UHRF2: variants seen among roughly 807,000 people sequenced by gnomAD.
UHRF2 encodes E3 ubiquitin-protein ligase UHRF2.
Under a neutral mutation model 96.8 loss-of-function variants are expected in UHRF2, and 23 were observed. The observed-to-expected ratio is 0.24, with a 90% confidence interval of 0.17 to 0.34. The LOEUF (loss-of-function observed/expected upper bound fraction) is 0.34. Among genes scored for constraint, UHRF2 ranks in the 10% least tolerant of loss-of-function variants. The pLI, the probability that UHRF2 is intolerant of heterozygous loss-of-function variation, is 1.00. For synonymous variants in UHRF2, 385 were observed against 332.6 expected, an observed-to-expected ratio of 1.16 and a Z score of -1.72; for missense variants, 685 against 981.5, an observed-to-expected ratio of 0.70 and a Z score of 4.04.
chr9:6,425,138 T>C (rs1423806493), intron 2 of UHRF2, among the ~76,000 whole-genome samples: 4 of 152,174 alleles, frequency 2.6e-5, no homozygotes, highest in Non-Finnish European at 2.9e-5. Context: ...ACTTAAGGAG[T>C]GGGAAGTTAA....
At chr9:6,483,918 A>G (rs1167444215) in intron 8 of UHRF2, among the ~76,000 whole-genome samples, 3 of 152,008 alleles carry the variant, frequency 2.0e-5, no homozygotes, top group Non-Finnish European at 4.4e-5. Context: ...CGAACTCCCA[A>G]CCTCGGGTGA....
At chr9:6,477,919 ATGT>A in intron 6 of UHRF2, 111 bp downstream of exon 6, 2 of 956,008 alleles carry the variant, frequency 2.1e-6, no homozygotes, top group Non-Finnish European at 3.1e-6. Context: ...AGTGCTTAAA[ATGT>A]TATGGCCAGT....
chr9:6,460,943 A>C, intron 4 of UHRF2, 152 bp downstream of exon 4: 2 of 635,008 alleles, frequency 3.1e-6, no homozygotes, highest in South Asian at 2.9e-5. Flanking sequence ...ATAAATTCTT[A>C]AGAATTTTTA....
intron 10 of UHRF2, chr9:6,495,644 G>A (rs1824920937): frequency 6.6e-6 from 1 of 152,102 alleles, no homozygotes; most frequent in Non-Finnish European, 1.5e-5. Flanking sequence ...CTTTTATCAG[G>A]GCAGTCAGAG....
intron 9 of UHRF2, among the ~76,000 whole-genome samples, chr9:6,487,182 C>CTTTTTTTTTTTTTTTTT (rs1171978950): frequency 1.4e-4 from 10 of 69,586 alleles, no homozygotes; most frequent in East Asian, 4.9e-4. Context: ...TTTTTTTTTC[C>CTTTTTTTTTTTTTTTTT]TTTTTTTTTT....
rs745962029 is a variant in UHRF2, at chr9:6,486,826, C to T, written c.1398C>T (p.Ser466=). The T allele has an allele frequency of 2.5e-6, 4 of 1,613,780 alleles. No individual in the cohort carries two copies. The highest frequency in any genetic ancestry group is 1.3e-5 in the African/African-American group (1 of 74,896). The change falls in exon 9 of 16, where the codon AGC becomes AGT. Residue 466 remains serine (S), a synonymous_variant. Coordinates refer to ENST00000276893, the MANE Select transcript of UHRF2 (RefSeq NM_152896.3). ...TCTCTTTAATTGTTTTATAGGTGAG[C>T]GAAGCAGGTGTTCACAGACCCCATG... ...GSTWRFRVQV[S]EAGVHRPHVG...
intron 1 of UHRF2, chr9:6,415,429 T>G (rs1819542035): frequency 6.6e-6 from 1 of 152,266 alleles, no homozygotes; most frequent in Non-Finnish European, 1.5e-5. Context: ...GTACCAGCTG[T>G]GTGTTCACTT....
chr9:6,433,249 A>G (rs1026531960), intron 2 of UHRF2, among the ~76,000 whole-genome samples: 1 of 152,164 alleles, frequency 6.6e-6, no homozygotes, highest in African/African-American at 2.4e-5. Flanking sequence ...GTCAGATTGC[A>G]TGGGTTAGTT....
At chr9:6,501,726 C>G (rs977677720) in intron 14 of UHRF2, among the ~76,000 whole-genome samples, 2 of 152,156 alleles carry the variant, frequency 1.3e-5, no homozygotes, top group African/African-American at 2.4e-5. Flanking sequence ...GTATTTTAGC[C>G]AAGACACCCA....
chr9:6,497,895 T>TA, intron 11 of UHRF2, 123 bp from the exon 12 acceptor site: 1 of 1,259,894 alleles, frequency 7.9e-7, no homozygotes, highest in Middle Eastern at 2.8e-4. Flanking sequence ...TTACTGTCCT[T>TA]ACAGCAAAGC....
rs1235734049 is a variant in UHRF2 at position 6,413,296 on chromosome 9, A to C, written c.-195A>C. 13 of 291,884 alleles carry C rather than the reference A, an allele frequency of 4.5e-5. No homozygotes were observed. The Admixed American group carries it at 7.3e-4, about 16-fold the overall frequency. 18.1% of individuals were successfully genotyped at this position (291,884 alleles called of 1,614,324 possible). A position where few individuals can be genotyped will look rare whatever the true frequency, so the allele number is the denominator to read the frequency against. ...AGAGTGGTTCCGGTCGTCTCTCCTC[A>C]AGTCGGCTAGTCGGGCGCGCGCGCT... is the stretch of plus-strand genomic sequence containing the variant. On this transcript the variant is annotated 5_prime_UTR_variant, in exon 1 of 16. Coordinates refer to ENST00000276893, the MANE Select transcript of UHRF2 (RefSeq NM_152896.3).
intron 4 of UHRF2, among the ~76,000 whole-genome samples, chr9:6,464,679 T>C (rs1238413872): frequency 2.0e-5 from 3 of 152,204 alleles, no homozygotes; most frequent in African/African-American, 7.2e-5. Context: ...TTCCCTCCCA[T>C]TGATCTTCAG....
At chr9:6,424,360 G>GC (rs1820115658) in intron 2 of UHRF2, among the ~76,000 whole-genome samples, 1 of 120,306 alleles carries the variant, frequency 8.3e-6, no homozygotes, top group South Asian at 3.5e-4. Flanking sequence ...TTAAAACAGT[G>GC]CTATATAGTG....
intron 2 of UHRF2, among the ~76,000 whole-genome samples, chr9:6,433,653 G>A (rs1033842629): frequency 1.3e-5 from 2 of 152,170 alleles, no homozygotes; most frequent in Non-Finnish European, 2.9e-5. Context: ...AAAGTCTAGT[G>A]TATACGTCAG....
intron 9 of UHRF2, among the ~76,000 whole-genome samples, chr9:6,487,158 C>A (rs563067692): frequency 3.2e-5 from 4 of 123,966 alleles, no homozygotes; most frequent in African/African-American, 1.3e-4. Context: ...AACACATTCT[C>A]TATAGAGCTT....
chr9:6,445,984 T>TGTTTTTTG (rs58693786), intron 3 of UHRF2, among the ~76,000 whole-genome samples: 2 of 127,810 alleles, frequency 1.6e-5, no homozygotes, highest in East Asian at 2.7e-4. Flanking sequence ...CGCCACCCTT[T>TGTTTTTTG]TTTTTTTTTT....
At chr9:6,500,843 CT>C in intron 14 of UHRF2, 134 bp downstream of exon 14, 4 of 774,172 alleles carry the variant, frequency 5.2e-6, no homozygotes, top group Non-Finnish European at 8.0e-6. Flanking sequence ...GTGCCACTAC[CT>C]TTCAGAAATA....
intron 3 of UHRF2, among the ~76,000 whole-genome samples, chr9:6,446,556 A>G (rs1821517693): frequency 6.6e-6 from 1 of 151,908 alleles, no homozygotes; most frequent in African/African-American, 2.4e-5. Flanking sequence ...ATACTCTTAA[A>G]TAATACTTAG....
chr9:6,483,404 GT>G (rs2130915368), intron 8 of UHRF2, among the ~76,000 whole-genome samples: 1 of 149,284 alleles, frequency 6.7e-6, no homozygotes, highest in East Asian at 2.0e-4. Flanking sequence ...TCCTTTATAT[GT>G]TAAATCACCT....
Sources: allele counts gnomAD v4.1 joint callset (sites outside exome capture counted in the v4.1 genomes callset), GRCh38; gene constraint gnomAD v4.1.1; transcripts MANE v1.5; gene names NCBI Gene and HGNC (gene_info 2026-07-23, HGNC 2026-07-21).